GFRA2: variants seen among roughly 807,000 people sequenced by gnomAD.
GFRA2 encodes GDNF family receptor alpha-2.
Under a neutral mutation model 48.3 loss-of-function variants are expected in GFRA2, and 17 were observed. The observed-to-expected ratio is 0.35, with a 90% CI of 0.24 to 0.53. The LOEUF (loss-of-function observed/expected upper bound fraction) is 0.53. GFRA2 is among the 20% of genes least tolerant of loss of function. GFRA2 has a pLI of 0.93. For missense variants in GFRA2, 660 were observed against 637.3 expected (o/e 1.04, Z -0.38); for synonymous variants, 305 against 257.2 (o/e 1.19, Z -1.78).
chr8:21,752,616 C>T (rs961693417), intron 3 of GFRA2, among the ~76,000 whole-genome samples: 13 of 152,028 alleles, frequency 8.6e-5, no homozygotes, highest in Admixed American at 8.5e-4. Flanking sequence ...TACCCCCGGA[C>T]GAGACCTCTG....
chr8:21,725,765 C>T (rs73669529), intron 4 of GFRA2, among the ~76,000 whole-genome samples: 135 of 152,274 alleles, frequency 8.9e-4, no homozygotes, highest in African/African-American at 3.0e-3. Context: ...TGGACTTGAA[C>T]CCAGGTCTCT....
rs1344691745 is a variant in GFRA2 at position 21,712,373 on chromosome 8, G to A, written c.795-6332C>T. ...GCGCTCCTCACATCCCAGACGGGGCGGCGGGGCAGAGGCGCTCCCCACATC... is the reference window on the plus strand; with the variant it reads ...GCGCTCCTCACATCCCAGACGGGGCAGCGGGGCAGAGGCGCTCCCCACATC... On this transcript the variant is annotated intron_variant, in intron 4 of 8. Transcript: ENST00000524240. Among the ~76,000 whole-genome samples the A allele has an allele frequency of 4.0e-5, 6 of 151,604 alleles. No individual in the cohort carries two copies. The East Asian group carries it at 7.9e-4, about 20-fold the overall frequency.
intron 7 of GFRA2, among the ~76,000 whole-genome samples, chr8:21,701,792 G>A (rs891282231): frequency 2.0e-5 from 3 of 152,202 alleles, no homozygotes; most frequent in African/African-American, 4.8e-5. Context: ...CCAAGCAACT[G>A]ATGGCTCGGC....
intron 3 of GFRA2, among the ~76,000 whole-genome samples, chr8:21,766,169 C>T (rs891892377): frequency 1.3e-5 from 2 of 152,098 alleles, no homozygotes; most frequent in Non-Finnish European, 2.9e-5. Context: ...CCAGGCCTTT[C>T]GCTAGCTGTT....
At chr8:21,759,496 AG>A (rs1298640587) in intron 3 of GFRA2, among the ~76,000 whole-genome samples, 2 of 125,764 alleles carry the variant, frequency 1.6e-5, no homozygotes. Context: ...GAAGGAAGGA[AG>A]GAAGGAAGGA....
intron 4 of GFRA2, among the ~76,000 whole-genome samples, chr8:21,727,279 G>A (rs897165258): frequency 6.6e-6 from 1 of 152,114 alleles, no homozygotes; most frequent in African/African-American, 2.4e-5. Context: ...AGGGTCACAG[G>A]CTCTGTTGCC....
At chr8:21,759,485 AGAAGGAAGGAAGGAAGGAAGGAAG>A (rs1161834899) in intron 3 of GFRA2, among the ~76,000 whole-genome samples, 1 of 71,776 alleles carries the variant, frequency 1.4e-5, no homozygotes, top group African/African-American at 6.1e-5. Flanking sequence ...AAAGAAGGAA[AGAAGGAAGGAAGGAAGGAAGGAAG>A]GAAGGAAGGA....
chr8:21,789,774 C>G (rs2117099234), upstream of GFRA2, among the ~76,000 whole-genome samples: 1 of 59,850 alleles, frequency 1.7e-5, no homozygotes, highest in East Asian at 5.6e-4. Flanking sequence ...CCTTCCCCAG[C>G]CGGTCTCCCC....
At chr8:21,708,660 G>T (rs546849848) in intron 4 of GFRA2, among the ~76,000 whole-genome samples, 1 of 152,220 alleles carries the variant, frequency 6.6e-6, no homozygotes, top group South Asian at 2.1e-4. Flanking sequence ...CTCATCAGAA[G>T]AGAAGAGATA....
At position 21,714,554 on chromosome 8, in the gene GFRA2, G is replaced by C. The variant is rs75295221; in HGVS notation, c.795-8513C>G. On this transcript the variant is annotated intron_variant, in intron 4 of 8. Transcript: ENST00000524240. ...GCCTGACTGAAGTTCTCGTTTATCA[G>C]GTGATACCTGTTATGTCACTTCCAT... Among the ~76,000 whole-genome samples the C allele has an allele frequency of 2.6e-3, 391 of 152,140 alleles. 14 individuals are homozygous for C. In the East Asian group the frequency reaches 0.068, roughly 26 times the overall value.
intron 2 of GFRA2, among the ~76,000 whole-genome samples, chr8:21,781,881 T>C (rs931238527): frequency 3.6e-4 from 55 of 152,244 alleles, no homozygotes; most frequent in South Asian, 1.7e-3. Context: ...GGGGGACTTA[T>C]AGGTTCTACT....
chr8:21,701,969 C>T (rs1047292876), intron 7 of GFRA2, among the ~76,000 whole-genome samples: 1 of 152,140 alleles, frequency 6.6e-6, no homozygotes, highest in Admixed American at 6.5e-5. Flanking sequence ...AGCCTCTCCC[C>T]AGATGGGCCG....
chr8:21,716,729 G>A (rs1803355359), intron 4 of GFRA2, among the ~76,000 whole-genome samples: 3 of 152,158 alleles, frequency 2.0e-5, no homozygotes, highest in Admixed American at 6.5e-5. Context: ...ATTTGCCCAC[G>A]AGGAGAGTTT....
intron 3 of GFRA2, among the ~76,000 whole-genome samples, chr8:21,754,505 C>CTTTTTTT (rs59344047): frequency 7.4e-5 from 9 of 121,230 alleles, no homozygotes; most frequent in Non-Finnish European, 1.0e-4. Context: ...CTTTTTTTTT[C>CTTTTTTT]TTTTTTTTTT....
intron 1 of GFRA2, among the ~76,000 whole-genome samples, chr8:21,805,811 G>A (rs186689606): frequency 5.1e-4 from 77 of 152,280 alleles, no homozygotes; most frequent in African/African-American, 1.6e-3. Flanking sequence ...TTCATTAGGC[G>A]CCTAATGAAT....
intron 3 of GFRA2, among the ~76,000 whole-genome samples, chr8:21,772,441 T>C (rs1240563378): frequency 6.6e-6 from 1 of 152,108 alleles, no homozygotes; most frequent in African/African-American, 2.4e-5. Flanking sequence ...AGTGCTGAAA[T>C]TACAGGCAAG....
chr8:21,757,357 T>C (rs1805620758), intron 3 of GFRA2, among the ~76,000 whole-genome samples: 1 of 152,208 alleles, frequency 6.6e-6, no homozygotes, highest in South Asian at 2.1e-4. Flanking sequence ...GGCATATGAG[T>C]GCTCTTTAAA....
Position 21,735,377 on chromosome 8 carries a change from C to G in GFRA2, c.794+15211G>C, listed in dbSNP as rs542003688. On this transcript the variant is annotated intron_variant, in intron 4 of 8. Transcript: ENST00000524240. ...AAAGATGTGGAAACCAAGCCCCCCC[C>G]CAATCCACCCCTGCCAGGCCCCTTG... 9.2e-5 allele frequency among the ~76,000 whole-genome samples: 14 copies of G among 152,208 alleles called. No homozygotes were observed. The South Asian group carries it at 1.0e-3, about 11-fold the overall frequency.
At chr8:21,801,711 AG>A (rs1466399153) in intron 2 of GFRA2, among the ~76,000 whole-genome samples, 1 of 152,082 alleles carries the variant, frequency 6.6e-6, no homozygotes, top group Non-Finnish European at 1.5e-5. Context: ...AAAAACCATC[AG>A]CCCCTGCTGG....
Sources: gnomAD v4.1 joint callset for allele counts (sites outside exome capture counted in the v4.1 genomes callset) on GRCh38, gnomAD v4.1.1 for gene constraint, MANE v1.5 for transcripts, NCBI Gene and HGNC (gene_info 2026-07-23, HGNC 2026-07-21) for gene names.